Variants in URI1 observed in about 807,000 individuals in gnomAD.
The protein encoded by URI1 is URI1 prefoldin like chaperone, also known as unconventional prefoldin RPB5 interactor 1.
A neutral mutation model predicts 60.2 loss-of-function variants in URI1; 39 were observed. The observed-to-expected ratio is 0.65, with a 90% confidence interval of 0.50 to 0.85. URI1 has a LOEUF of 0.85. URI1 is among the 40% of genes least tolerant of loss of function. URI1 has a pLI of 0.00. For missense variants in URI1, 691 were observed against 665.9 expected, an observed-to-expected ratio of 1.04 and a Z score of -0.42; for synonymous variants, 251 against 236.8, an observed-to-expected ratio of 1.06 and a Z score of -0.55.
At chr19:29,924,839 A>G (rs2054852252) in intron 1 of URI1, among the ~76,000 whole-genome samples, 2 of 151,980 alleles carry the variant, frequency 1.3e-5, no homozygotes, top group South Asian at 4.2e-4. Flanking sequence ...ATTTTGTTTA[A>G]TTTTTAATTT....
chr19:29,988,414 G>T (rs1199667700), intron 4 of URI1, among the ~76,000 whole-genome samples: 39 of 152,130 alleles, frequency 2.6e-4, no homozygotes, highest in Admixed American at 2.6e-3. Context: ...CCACAGTCAG[G>T]ACACGGAATA....
At chr19:30,008,759 C>T (rs920185910) in intron 7 of URI1, among the ~76,000 whole-genome samples, 1 of 151,636 alleles carries the variant, frequency 6.6e-6, no homozygotes, top group Non-Finnish European at 1.5e-5. Flanking sequence ...ATCTTTCTTG[C>T]AAAGATAAAA....
At position 29,942,627 on chromosome 19, in the gene URI1, C is replaced by G. The variant is rs757515487; in HGVS notation, c.80C>G (p.Ala27Gly). 1.2e-5 allele frequency: 18 copies of G among 1,467,858 alleles called. No homozygotes were observed. In the South Asian group the frequency reaches 2.0e-4, roughly 16 times the overall value. 90.9% of individuals were successfully genotyped at this position (1,467,858 alleles called of 1,614,324 possible). A position where few individuals can be genotyped will look rare whatever the true frequency, so the allele number is the denominator to read the frequency against. The change falls in exon 1 of 11, where the codon GCC becomes GGC. Residue 27 changes from alanine to glycine, a missense_variant. By Grantham distance (60) the Ala-to-Gly change is moderately conservative (BLOSUM62 0). Transcript: ENST00000392271. ...GCCCCTGCCCTGGTTCCGTTGCGCGCCCCGGATGTGGCGCGGCTGCGCGAG... is the reference window on the plus strand; with the variant it reads ...GCCCCTGCCCTGGTTCCGTTGCGCGGCCCGGATGTGGCGCGGCTGCGCGAG... The part of the protein sequence containing the change: ...APAPALVPLR[A>G]PDVARLREEQ...
chr19:29,962,091 C>G (rs2055332957), intron 1 of URI1, among the ~76,000 whole-genome samples: 1 of 152,156 alleles, frequency 6.6e-6, no homozygotes, highest in East Asian at 1.9e-4. Flanking sequence ...GGTGACTGTA[C>G]CATTTTACAT....
intron 4 of URI1, among the ~76,000 whole-genome samples, chr19:29,994,522 T>G (rs2055787173): frequency 6.6e-6 from 1 of 152,118 alleles, no homozygotes. Flanking sequence ...TCCTACAGCA[T>G]TTGTCCTTTT....
intron 1 of URI1, among the ~76,000 whole-genome samples, chr19:29,963,347 A>C (rs2055349891): frequency 1.3e-5 from 2 of 152,080 alleles, no homozygotes; most frequent in Admixed American, 1.3e-4. Context: ...TTGACCTGTC[A>C]AGTTCAAAAA....
intron 1 of URI1, among the ~76,000 whole-genome samples, chr19:29,970,268 A>G (rs1190902366): frequency 6.7e-6 from 1 of 149,688 alleles, no homozygotes; most frequent in Non-Finnish European, 1.5e-5. Context: ...TCTTTTTCTC[A>G]TGGCCTAGTC....
At chr19:29,985,359 T>C (rs2055655720) in intron 3 of URI1, 58 bp downstream of exon 3, 2 of 1,433,722 alleles carry the variant, frequency 1.4e-6, no homozygotes, top group South Asian at 2.4e-5. Context: ...ATATTAACTA[T>C]GTGTCGGTTC....
At position 29,958,776 on chromosome 19, in the gene URI1, A is replaced by G. The variant is rs1441007360; in HGVS notation, c.118-12417A>G. Among the ~76,000 whole-genome samples the G allele has an allele frequency of 3.3e-5, 5 of 152,004 alleles. 1 individual carries two copies. Among genetic ancestry groups the G allele is most frequent in the Admixed American group, 3.3e-4 (5 of 15,244 alleles). Reference sequence around the variant, plus strand: ...GGGGTTTGAGATCAGCCTGGCCAACATGGTGAAACCCCATCTCTACAAAAA... The same window carrying G: ...GGGGTTTGAGATCAGCCTGGCCAACGTGGTGAAACCCCATCTCTACAAAAA... On this transcript the variant is annotated intron_variant, in intron 1 of 10. Transcript: ENST00000392271.
Position 30,015,711 on chromosome 19 carries a change from G to T in URI1, c.*642G>T, listed in dbSNP as rs1278544039. On this transcript the variant is annotated 3_prime_UTR_variant, in exon 11 of 11. Transcript: ENST00000392271. ...CTTTATGAAACTTGGTCTCAAAAAT[G>T]TTGTGAACTTTATGATTCAAAATTG... is the stretch of plus-strand genomic sequence containing the variant. 1.1e-6 allele frequency: 1 copy of T among 890,890 alleles called. No individual in the cohort carries two copies. The highest frequency in any genetic ancestry group is 1.7e-5 in the African/African-American group (1 of 58,954). 55.2% of individuals were successfully genotyped at this position (890,890 alleles called of 1,614,324 possible).
At chr19:29,994,425 T>A (rs532054768) in intron 4 of URI1, among the ~76,000 whole-genome samples, 1 of 152,080 alleles carries the variant, frequency 6.6e-6, no homozygotes, top group East Asian at 1.9e-4. Context: ...AACTCCCCAT[T>A]TTTTCCTTCC....
rs2145275247 is a variant in URI1, at chr19:29,956,877, A to T, written c.117+14213A>T. The T allele has an allele frequency of 2.7e-6, 4 of 1,463,356 alleles. No individual in the cohort carries two copies. In the South Asian group the frequency reaches 4.5e-5, roughly 17 times the overall value. The allele number at this position is 1,463,356 out of a possible 1,614,324, so 90.6% of individuals were successfully genotyped here. ...CTGAGTTCTACGTTGATGTGATTGA[A>T]GTCCTTCCGCAGGGTTCCTCTGGGG... On this transcript the variant is annotated intron_variant, in intron 1 of 10. Coordinates refer to ENST00000392271, the MANE Select transcript of URI1 (RefSeq NM_003796.3).
In URI1 at chr19:30,015,485, A is replaced by G; in HGVS notation, c.*416A>G. 2 of 1,524,180 alleles carry G rather than the reference A, an allele frequency of 1.3e-6. No individual in the cohort carries two copies. Among genetic ancestry groups the G allele is most frequent in the Non-Finnish European group, 1.7e-6 (2 of 1,143,512 alleles). 94.4% of individuals were successfully genotyped at this position (1,524,180 alleles called of 1,614,324 possible). ...TTCAAATAGATTCAACAATTACATTACTTGCTTTCACATTTTAAAGGCACT... is the reference window on the plus strand; with the variant it reads ...TTCAAATAGATTCAACAATTACATTGCTTGCTTTCACATTTTAAAGGCACT... On this transcript the variant is annotated 3_prime_UTR_variant, in exon 11 of 11. Coordinates refer to ENST00000392271, the MANE Select transcript of URI1 (RefSeq NM_003796.3).
intron 4 of URI1, among the ~76,000 whole-genome samples, chr19:29,987,767 A>C (rs2055690518): frequency 6.6e-6 from 1 of 152,234 alleles, no homozygotes; most frequent in Admixed American, 6.5e-5. Flanking sequence ...TGTTTTTGTA[A>C]ATCACTTTCT....
At chr19:29,938,993 T>TC (rs1555735236), upstream of URI1, among the ~76,000 whole-genome samples, 1 of 148,412 alleles carries the variant, frequency 6.7e-6, no homozygotes, top group Non-Finnish European at 1.5e-5. Context: ...TTTTTTTTTT[T>TC]CTGAGAGGAG....
intron 1 of URI1, among the ~76,000 whole-genome samples, chr19:29,930,974 T>C (rs945505686): frequency 3.9e-5 from 6 of 152,096 alleles, no homozygotes. Flanking sequence ...TCCCAATGTG[T>C]TGGGATTACA....
intron 10 of URI1, 101 bp downstream of exon 10, chr19:30,012,632 T>G (rs1306318710): frequency 1.4e-6 from 2 of 1,403,004 alleles, no homozygotes; most frequent in African/African-American, 2.9e-5. Flanking sequence ...ATTCTAGGTT[T>G]TATACTTTCT....
chr19:29,995,992 A>G (rs2055807681), intron 4 of URI1, among the ~76,000 whole-genome samples: 1 of 152,108 alleles, frequency 6.6e-6, no homozygotes, highest in African/African-American at 2.4e-5. Flanking sequence ...TTGGTACCAC[A>G]TTATTTTGAT....
intron 1 of URI1, among the ~76,000 whole-genome samples, chr19:29,931,202 T>C (rs1167910676): frequency 2.6e-5 from 4 of 152,198 alleles, no homozygotes; most frequent in Admixed American, 6.5e-5. Context: ...ACTGAATCTG[T>C]GGATGGCTTT....
Sources: allele counts gnomAD v4.1 joint callset (sites outside exome capture counted in the v4.1 genomes callset), GRCh38; gene constraint gnomAD v4.1.1; transcripts MANE v1.5; gene names NCBI Gene and HGNC (gene_info 2026-07-23, HGNC 2026-07-21).